The following PAK1IP1 variants were observed in gnomAD, a reference collection of about 807,000 sequenced individuals.
The protein encoded by PAK1IP1 is p21-activated protein kinase-interacting protein 1.
Under a neutral mutation model 42.0 loss-of-function variants are expected in PAK1IP1, and 24 were observed. The observed-to-expected ratio is 0.57, with a 90% CI of 0.41 to 0.80. The LOEUF (loss-of-function observed/expected upper bound fraction) is 0.80. Ranked by LOEUF, PAK1IP1 falls within the 30% of genes least tolerant of loss-of-function variation. The pLI, the probability that PAK1IP1 is intolerant of heterozygous loss-of-function variation, is 0.00. For missense variants in PAK1IP1, 411 were observed against 467.9 expected (o/e 0.88, Z 1.12); for synonymous variants, 154 against 156.7 (o/e 0.98, Z 0.13).
At chr6:10,695,158 C>T (rs2127477574) in intron 1 of PAK1IP1, 89 bp downstream of exon 1, 2 of 775,882 alleles carry the variant, frequency 2.6e-6, no homozygotes, top group East Asian at 2.5e-5. Flanking sequence ...CATTGGAGCG[C>T]CTGCTGTTCA....
intron 8 of PAK1IP1, 105 bp downstream of exon 8, chr6:10,707,619 A>T: frequency 1.5e-6 from 1 of 685,590 alleles, no homozygotes. Context: ...AAACTTTTTA[A>T]ATCTCTTCCA....
chr6:10,695,738 A>G (rs974887003), intron 1 of PAK1IP1, among the ~76,000 whole-genome samples: 2 of 152,232 alleles, frequency 1.3e-5, no homozygotes, highest in Non-Finnish European at 1.5e-5. Flanking sequence ...ACCTCCTAAC[A>G]TCTAGCTCAC....
intron 9 of PAK1IP1, 34 bp downstream of exon 9, chr6:10,709,110 A>G (rs778531412): frequency 6.3e-7 from 1 of 1,593,438 alleles, no homozygotes; most frequent in Non-Finnish European, 8.6e-7. Context: ...AATTTTGAAT[A>G]ATCTATTATC....
intron 2 of PAK1IP1, among the ~76,000 whole-genome samples, chr6:10,699,211 A>G (rs1436236513): frequency 6.6e-6 from 1 of 151,436 alleles, no homozygotes; most frequent in Non-Finnish European, 1.5e-5. Flanking sequence ...AAAAAAAAAA[A>G]AAAAAAAAAA....
At chr6:10,694,808 C>A (rs140748762), upstream of PAK1IP1, 26 of 558,014 alleles carry the variant, frequency 4.7e-5, 2 homozygotes, top group South Asian at 5.7e-4. Context: ...CATGTGACCT[C>A]CCCGCGCTTA....
At chr6:10,705,063 G>A (rs936891616) in intron 7 of PAK1IP1, among the ~76,000 whole-genome samples, 4 of 152,144 alleles carry the variant, frequency 2.6e-5, no homozygotes, top group African/African-American at 9.7e-5. Context: ...AGTAGCTCAC[G>A]CCTGTAATCC....
At chr6:10,693,363 TTTC>T (rs1769529379), upstream of PAK1IP1, among the ~76,000 whole-genome samples, 2 of 152,386 alleles carry the variant, frequency 1.3e-5, no homozygotes, top group South Asian at 2.1e-4. Flanking sequence ...CATGCTGACT[TTTC>T]TTCGTGTCAC....
chr6:10,698,243 C>T (rs1769918272), intron 2 of PAK1IP1, among the ~76,000 whole-genome samples: 1 of 151,088 alleles, frequency 6.6e-6, no homozygotes, highest in South Asian at 2.1e-4. Context: ...TTATTGAGGG[C>T]ATATTATGTA....
chr6:10,697,757 G>T (rs979642748), intron 2 of PAK1IP1, among the ~76,000 whole-genome samples: 1 of 152,024 alleles, frequency 6.6e-6, no homozygotes, highest in Non-Finnish European at 1.5e-5. Context: ...CAGGTGTGGT[G>T]GCACACACCT....
chr6:10,701,394 T>C (rs931584790), intron 2 of PAK1IP1, among the ~76,000 whole-genome samples: 3 of 152,170 alleles, frequency 2.0e-5, no homozygotes, highest in South Asian at 2.1e-4. Flanking sequence ...AATTTTCTCT[T>C]CCTGCATTAG....
chr6:10,704,553 TATC>T lies in PAK1IP1; in HGVS notation c.546_548del (p.Ile183del), dbSNP rs1420950979. The T allele has an allele frequency of 6.3e-7, 1 of 1,595,686 alleles. No homozygotes were observed. The highest frequency in any genetic ancestry group is 8.6e-7 in the Non-Finnish European group (1 of 1,164,638). Reference sequence around the variant, plus strand: ...CCCCAAGAGGAGAGCAGTATGTAGTTATCATACAGAATAAAATAGACATCTATC... The same window carrying T: ...CCCCAAGAGGAGAGCAGTATGTAGTTATACAGAATAAAATAGACATCTATC... On this transcript the variant is annotated inframe_deletion, in exon 6 of 10. Transcript: ENST00000379568.
In PAK1IP1 at chr6:10,697,427, C is replaced by T; in HGVS notation, c.188C>T (p.Thr63Ile). The T allele has an allele frequency of 6.2e-7, 1 of 1,613,928 alleles. No individual in the cohort carries two copies. Among genetic ancestry groups the T allele is most frequent in the South Asian group, 1.1e-5 (1 of 91,078 alleles). ...RFVVTGSKDE[T>I]IHIYDMKKKI... ...GTGGTCACTGGGAGCAAAGATGAAA[C>T]AATTCACATTTATGACATGAAAAAG... is the stretch of plus-strand genomic sequence containing the variant. Residue 63 changes from threonine (T) to isoleucine (I), a missense_variant, in exon 2 of 10, where the codon ACA becomes ATA. Thr to Ile is a moderately conservative substitution (Grantham distance 89). Coordinates refer to ENST00000379568, the MANE Select transcript of PAK1IP1 (RefSeq NM_017906.3).
At chr6:10,708,609 T>C (rs190461188) in intron 8 of PAK1IP1, among the ~76,000 whole-genome samples, 3 of 144,826 alleles carry the variant, frequency 2.1e-5, no homozygotes, top group South Asian at 4.2e-4. Context: ...ATACATGTGC[T>C]ATGTTGGTGT....
At chr6:10,691,238 A>C (rs921576709), upstream of PAK1IP1, among the ~76,000 whole-genome samples, 2 of 152,222 alleles carry the variant, frequency 1.3e-5, no homozygotes, top group Non-Finnish European at 2.9e-5. Context: ...AAAACCCCTC[A>C]GCCAGCGAGT....
At chr6:10,696,417 G>A (rs1003059775) in intron 1 of PAK1IP1, among the ~76,000 whole-genome samples, 1 of 151,792 alleles carries the variant, frequency 6.6e-6, no homozygotes, top group African/African-American at 2.4e-5. Context: ...TTTCTTTTTC[G>A]GTTTGTTTTG....
At chr6:10,707,760 T>C (rs1445935645) in intron 8 of PAK1IP1, among the ~76,000 whole-genome samples, 1 of 152,224 alleles carries the variant, frequency 6.6e-6, no homozygotes, top group Non-Finnish European at 1.5e-5. Context: ...AGCTCTACTT[T>C]CCTCTCTTGA....
chr6:10,692,767 G>A (rs1340080869), upstream of PAK1IP1, among the ~76,000 whole-genome samples: 2 of 152,048 alleles, frequency 1.3e-5, no homozygotes, highest in East Asian at 1.9e-4. Flanking sequence ...CAAGCAATCC[G>A]CCTGCCTAGG....
At chr6:10,704,676 C>G (rs1178551553) in intron 6 of PAK1IP1, 24 bp downstream of exon 6, 1 of 1,609,372 alleles carries the variant, frequency 6.2e-7, no homozygotes, top group African/African-American at 1.3e-5. Context: ...AATCATTGAC[C>G]AAAGTTTGTG....
chr6:10,695,612 T>C (rs554065253), intron 1 of PAK1IP1, among the ~76,000 whole-genome samples: 4 of 152,148 alleles, frequency 2.6e-5, no homozygotes, highest in East Asian at 3.9e-4. Context: ...GACGCATAGA[T>C]GGAGAGAAAT....
Sources: gnomAD v4.1 joint callset for allele counts (sites outside exome capture counted in the v4.1 genomes callset) on GRCh38, gnomAD v4.1.1 for gene constraint, MANE v1.5 for transcripts, NCBI Gene and HGNC (gene_info 2026-07-23, HGNC 2026-07-21) for gene names.